SSBP2: variants seen among roughly 807,000 people sequenced by gnomAD.
SSBP2 encodes the protein single-stranded DNA-binding protein 2.
SSBP2 carries 17 observed loss-of-function variants against 61.8 expected under a neutral mutation model. That is an observed-to-expected ratio of 0.28 (90% confidence interval 0.19 to 0.41). The LOEUF (loss-of-function observed/expected upper bound fraction) is 0.41. Among genes scored for constraint, SSBP2 ranks in the 10% least tolerant of loss-of-function variants. SSBP2 has a pLI of 1.00. For missense variants in SSBP2, 310 were observed against 458.7 expected, an observed-to-expected ratio of 0.68 and a Z score of 2.96; for synonymous variants, 139 against 141.3, an observed-to-expected ratio of 0.98 and a Z score of 0.12.
chr5:81,425,680 G>T (rs1031371702), intron 16 of SSBP2, among the ~76,000 whole-genome samples: 3 of 151,770 alleles, frequency 2.0e-5, no homozygotes, highest in African/African-American at 7.3e-5. Flanking sequence ...GAACACTAGG[G>T]GGCATCTTTG....
At chr5:81,686,868 A>AAAAGAAAAGAAAAGAAAAG (rs1554112685) in intron 1 of SSBP2, among the ~76,000 whole-genome samples, 5 of 59,466 alleles carry the variant, frequency 8.4e-5, no homozygotes, top group African/African-American at 3.9e-4. Flanking sequence ...AAAAAAAAAA[A>AAAAGAAAAGAAAAGAAAAG]AAAAGAAAAG....
At chr5:81,450,816 C>T (rs1425889659) in intron 10 of SSBP2, among the ~76,000 whole-genome samples, 3 of 152,184 alleles carry the variant, frequency 2.0e-5, no homozygotes, top group Non-Finnish European at 4.4e-5. Flanking sequence ...ATCATAAAGT[C>T]TACTTTGTTA....
rs1289049328 is a variant in SSBP2 at position 81,446,982 on chromosome 5, T to TA, written c.724-61dup. ...GCATTGCATAAGAAAAAACAGAAGTTAGACTTATATCTATAATAATCCAAT... is the reference window on the plus strand; with the variant it reads ...GCATTGCATAAGAAAAAACAGAAGTTAAGACTTATATCTATAATAATCCAAT... On this transcript the variant is annotated intron_variant, in intron 11 of 16. Transcript: ENST00000320672. The TA allele has an allele frequency of 3.2e-6, 4 of 1,237,366 alleles. No individual in the cohort carries two copies. The African/African-American group carries it at 6.1e-5, about 19-fold the overall frequency. 76.6% of individuals were successfully genotyped at this position (1,237,366 alleles called of 1,614,324 possible).
At position 81,587,940 on chromosome 5, in the gene SSBP2, A is replaced by T. The variant is rs1006413479; in HGVS notation, c.282+27533T>A. On this transcript the variant is annotated intron_variant, in intron 4 of 16. Coordinates refer to ENST00000320672, the MANE Select transcript of SSBP2 (RefSeq NM_012446.5). Reference sequence around the variant, plus strand: ...GCTTGCCACTATCTTAGTGCAAAACATCTTGGTCGTTAAAGCTTGATGAAA... The same window carrying T: ...GCTTGCCACTATCTTAGTGCAAAACTTCTTGGTCGTTAAAGCTTGATGAAA... 3.3e-5 allele frequency among the ~76,000 whole-genome samples: 5 copies of T among 152,148 alleles called. No homozygotes were observed. The East Asian group carries it at 7.7e-4, about 23-fold the overall frequency.
At chr5:81,605,455 A>G (rs2153571165) in intron 4 of SSBP2, among the ~76,000 whole-genome samples, 2 of 152,158 alleles carry the variant, frequency 1.3e-5, no homozygotes, top group Middle Eastern at 6.8e-3. Context: ...TTCCCTATCC[A>G]TCTCCCTTTA....
intron 1 of SSBP2, among the ~76,000 whole-genome samples, chr5:81,682,434 A>G: frequency 6.6e-6 from 1 of 152,220 alleles, no homozygotes; most frequent in East Asian, 1.9e-4. Context: ...GAAAAAAATT[A>G]CAATTACATC....
intron 9 of SSBP2, among the ~76,000 whole-genome samples, chr5:81,464,494 A>G (rs951393659): frequency 2.0e-5 from 3 of 152,174 alleles, no homozygotes; most frequent in African/African-American, 7.2e-5. Flanking sequence ...GCATGAAAAC[A>G]AAGTTTTTTA....
intron 14 of SSBP2, among the ~76,000 whole-genome samples, chr5:81,440,103 GC>G (rs1464443190): frequency 1.3e-5 from 2 of 151,998 alleles, no homozygotes; most frequent in Admixed American, 6.6e-5. Flanking sequence ...TAAAAAGGAG[GC>G]AAACATAAAA....
chr5:81,626,779 A>G (rs1214943434), intron 3 of SSBP2, among the ~76,000 whole-genome samples: 2 of 152,166 alleles, frequency 1.3e-5, no homozygotes, highest in Non-Finnish European at 1.5e-5. Flanking sequence ...ATTTATATAC[A>G]CTGCCTGGAA....
intron 9 of SSBP2, among the ~76,000 whole-genome samples, chr5:81,465,456 A>G (rs915041599): frequency 3.3e-5 from 5 of 152,018 alleles, no homozygotes; most frequent in South Asian, 2.1e-4. Flanking sequence ...TAATCTCTCA[A>G]TGGTCACATA....
chr5:81,444,370 G>C (rs1464725538), intron 12 of SSBP2, among the ~76,000 whole-genome samples: 1 of 152,010 alleles, frequency 6.6e-6, no homozygotes, highest in Non-Finnish European at 1.5e-5. Flanking sequence ...ACTCACTATC[G>C]AAGGGCTATC....
chr5:81,575,487 T>A (rs1297664867), intron 4 of SSBP2, among the ~76,000 whole-genome samples: 2 of 152,014 alleles, frequency 1.3e-5, no homozygotes, highest in Admixed American at 1.3e-4. Flanking sequence ...TCAAGGATAG[T>A]GATATAATCT....
intron 4 of SSBP2, among the ~76,000 whole-genome samples, chr5:81,567,282 G>C (rs1189546878): frequency 6.6e-6 from 1 of 152,216 alleles, no homozygotes; most frequent in African/African-American, 2.4e-5. Flanking sequence ...CTAGGGACTT[G>C]TTTCTCTATG....
chr5:81,723,648 A>T lies in SSBP2; in HGVS notation c.62+27333T>A, dbSNP rs145017493. 2.0e-3 allele frequency among the ~76,000 whole-genome samples: 304 copies of T among 152,180 alleles called. 2 individuals carry two copies. The highest frequency in any genetic ancestry group is 7.0e-3 in the African/African-American group (290 of 41,560). On this transcript the variant is annotated intron_variant, in intron 1 of 16. Transcript: ENST00000320672. ...TCTTTAAACAAAACATCAAGAATAT[A>T]TTTAAAGGTCTTCCTGATTTCTGAG...
intron 5 of SSBP2, among the ~76,000 whole-genome samples, chr5:81,491,001 T>C (rs1045206366): frequency 2.0e-5 from 3 of 152,202 alleles, no homozygotes; most frequent in Non-Finnish European, 2.9e-5. Flanking sequence ...CTACCATAAA[T>C]TGGATAAGTT....
rs1761514967 is a variant in SSBP2 at position 81,420,272 on chromosome 5, AT to A, written c.*231del. ...CACACATATACATACACACATAATT[AT>A]TTGCAGTTCAGTTTAGGGCAATTCT... On this transcript the variant is annotated 3_prime_UTR_variant, in exon 17 of 17. Transcript: ENST00000320672. The A allele has an allele frequency of 7.0e-6, 4 of 567,588 alleles. No homozygotes were observed. The highest frequency in any genetic ancestry group is 1.3e-5 in the Non-Finnish European group (4 of 317,906). 35.2% of individuals were successfully genotyped at this position (567,588 alleles called of 1,614,324 possible).
chr5:81,653,272 T>C (rs1749913255), intron 1 of SSBP2, among the ~76,000 whole-genome samples: 1 of 152,170 alleles, frequency 6.6e-6, no homozygotes, highest in South Asian at 2.1e-4. Context: ...GCAAAAGACA[T>C]GAACTCATCC....
chr5:81,730,232 AT>A (rs956026807), intron 1 of SSBP2, among the ~76,000 whole-genome samples: 1 of 150,626 alleles, frequency 6.6e-6, no homozygotes, highest in Non-Finnish European at 1.5e-5. Context: ...TTTTAAAAGA[AT>A]TTTTTTTTTG....
intron 11 of SSBP2, among the ~76,000 whole-genome samples, chr5:81,447,623 A>G (rs1323887277): frequency 6.6e-6 from 1 of 152,170 alleles, no homozygotes; most frequent in African/African-American, 2.4e-5. Context: ...TAAATGGCAA[A>G]ATTTTAACTT....
Sources: gnomAD v4.1 joint callset for allele counts (sites outside exome capture counted in the v4.1 genomes callset) on GRCh38, gnomAD v4.1.1 for gene constraint, MANE v1.5 for transcripts, NCBI Gene and HGNC (gene_info 2026-07-23, HGNC 2026-07-21) for gene names.